CDK14: variants seen among roughly 807,000 people sequenced by gnomAD.
CDK14 encodes the protein cyclin-dependent kinase 14.
CDK14 carries 34 observed loss-of-function variants against 60.7 expected under a neutral mutation model. The observed-to-expected ratio is 0.56, with a 90% CI of 0.43 to 0.75. The LOEUF (loss-of-function observed/expected upper bound fraction) is 0.75. CDK14 is among the 30% of genes least tolerant of loss of function. CDK14 has a pLI of 0.00. For synonymous variants in CDK14, 197 were observed against 203.7 expected (o/e 0.97, Z 0.28); for missense variants, 482 against 564.1 (o/e 0.85, Z 1.47).
intron 5 of CDK14, among the ~76,000 whole-genome samples, chr7:90,793,232 CAG>C (rs1295948834): frequency 6.6e-6 from 1 of 152,180 alleles, no homozygotes; most frequent in Non-Finnish European, 1.5e-5. Context: ...ATAAATATGA[CAG>C]ATTATTAGAT....
chr7:91,046,675 C>T (rs35713142), intron 11 of CDK14, among the ~76,000 whole-genome samples: 20,624 of 151,866 alleles, frequency 0.14, 1,517 homozygotes, highest in Middle Eastern at 0.17. Context: ...TAAAATGATT[C>T]TCTTGCTGGT....
chr7:91,120,839 A>G (rs954126198), intron 14 of CDK14, among the ~76,000 whole-genome samples: 2 of 152,056 alleles, frequency 1.3e-5, no homozygotes, highest in African/African-American at 4.8e-5. Context: ...GCCTGGCCCA[A>G]TAAAGCTTTA....
intron 5 of CDK14, among the ~76,000 whole-genome samples, chr7:90,835,415 A>G (rs1204662499): frequency 1.3e-5 from 2 of 152,164 alleles, no homozygotes; most frequent in African/African-American, 4.8e-5. Flanking sequence ...GAGAGAACAG[A>G]TAATTGCTGG....
intron 2 of CDK14, among the ~76,000 whole-genome samples, chr7:90,637,397 G>A (rs1461257936): frequency 1.3e-5 from 2 of 152,134 alleles, no homozygotes; most frequent in Non-Finnish European, 2.9e-5. Context: ...TATGTACCCT[G>A]TAGTCATTCA....
intron 1 of CDK14, among the ~76,000 whole-genome samples, chr7:90,597,038 A>G (rs1013972878): frequency 6.6e-6 from 1 of 152,208 alleles, no homozygotes; most frequent in Non-Finnish European, 1.5e-5. Flanking sequence ...CCCACCGCGC[A>G]AGGGGCTGCG....
chr7:90,992,717 A>G (rs1273862582), intron 10 of CDK14, among the ~76,000 whole-genome samples: 2 of 152,188 alleles, frequency 1.3e-5, no homozygotes, highest in Non-Finnish European at 2.9e-5. Flanking sequence ...TTTAATGATA[A>G]TAGTATTAAA....
intron 8 of CDK14, among the ~76,000 whole-genome samples, chr7:90,920,112 A>G (rs1793203913): frequency 6.6e-6 from 1 of 152,198 alleles, no homozygotes; most frequent in Admixed American, 6.5e-5. Context: ...ACTGTGATTT[A>G]CTGTGTTTGG....
At chr7:90,895,325 C>T (rs12704580) in intron 6 of CDK14, among the ~76,000 whole-genome samples, 24,790 of 40,306 alleles carry the variant, frequency 0.62, 7,209 homozygotes, top group Middle Eastern at 0.71. Flanking sequence ...TCTTTCCTCT[C>T]CTTTCCTCTC....
intron 2 of CDK14, among the ~76,000 whole-genome samples, chr7:90,637,521 C>G (rs1424143690): frequency 6.6e-6 from 1 of 151,716 alleles, no homozygotes; most frequent in African/African-American, 2.4e-5. Flanking sequence ...AATTTCTGTT[C>G]TTTTACATTT....
chr7:90,670,531 C>G (rs766882477), intron 2 of CDK14, among the ~76,000 whole-genome samples: 3 of 152,116 alleles, frequency 2.0e-5, no homozygotes, highest in Non-Finnish European at 4.4e-5. Flanking sequence ...ATTTTGCAGG[C>G]TGTATGAGCA....
chr7:90,876,318 G>A (rs1562808606), intron 6 of CDK14, among the ~76,000 whole-genome samples: 1 of 152,182 alleles, frequency 6.6e-6, no homozygotes, highest in Non-Finnish European at 1.5e-5. Context: ...CCCCATTTTA[G>A]GATGGTGTCG....
intron 12 of CDK14, among the ~76,000 whole-genome samples, chr7:91,084,582 CAT>C (rs1302124529): frequency 2.0e-5 from 3 of 152,234 alleles, no homozygotes; most frequent in Admixed American, 6.5e-5. Flanking sequence ...CATTTTGTGT[CAT>C]TGCCAGATTT....
chr7:91,023,022 T>G (rs1298092276), intron 10 of CDK14, among the ~76,000 whole-genome samples: 1 of 152,052 alleles, frequency 6.6e-6, no homozygotes, highest in Non-Finnish European at 1.5e-5. Flanking sequence ...ATATTTTTTT[T>G]TTTTCGTCTA....
At chr7:90,681,437 A>G (rs1342564545) in intron 2 of CDK14, among the ~76,000 whole-genome samples, 1 of 152,128 alleles carries the variant, frequency 6.6e-6, no homozygotes, top group Admixed American at 6.6e-5. Context: ...ACCTCCATTT[A>G]ACAGACTCAT....
At chr7:91,139,382 A>C (rs1800376082) in intron 14 of CDK14, among the ~76,000 whole-genome samples, 1 of 152,184 alleles carries the variant, frequency 6.6e-6, no homozygotes, top group African/African-American at 2.4e-5. Flanking sequence ...GTGCATGTGC[A>C]TTTATATCTA....
intron 10 of CDK14, among the ~76,000 whole-genome samples, chr7:91,043,940 A>T (rs143432413): frequency 0.011 from 1,626 of 152,318 alleles, 15 homozygotes; most frequent in Non-Finnish European, 0.016. Flanking sequence ...AAATGCATGA[A>T]CAATTTGAGC....
chr7:90,635,369 A>C (rs1800116746), intron 2 of CDK14, among the ~76,000 whole-genome samples: 1 of 152,194 alleles, frequency 6.6e-6, no homozygotes, highest in South Asian at 2.1e-4. Context: ...CAGTTTTCCC[A>C]ACACCATTTA....
chr7:91,087,897 AGC>A (rs1798685396), intron 12 of CDK14, among the ~76,000 whole-genome samples: 1 of 152,160 alleles, frequency 6.6e-6, no homozygotes, highest in Non-Finnish European at 1.5e-5. Flanking sequence ...GTTAACAAAT[AGC>A]GTTGTACATA....
At chr7:90,827,794 T>C (rs1789777489) in intron 5 of CDK14, among the ~76,000 whole-genome samples, 1 of 152,208 alleles carries the variant, frequency 6.6e-6, no homozygotes. Flanking sequence ...TTTAATATAT[T>C]TGGTTCTTTT....
Sources: gnomAD v4.1 joint callset for allele counts (sites outside exome capture counted in the v4.1 genomes callset) on GRCh38, gnomAD v4.1.1 for gene constraint, MANE v1.5 for transcripts, NCBI Gene and HGNC (gene_info 2026-07-23, HGNC 2026-07-21) for gene names.